Variants in SUSD1 observed in about 807,000 individuals in gnomAD.
The protein encoded by SUSD1 is sushi domain containing 1.
In SUSD1, 65 loss-of-function variants were observed where a neutral mutation model predicts 86.9. The ratio of observed to expected loss-of-function variants is 0.75; its 90% CI spans 0.61 to 0.92. The LOEUF is 0.92. SUSD1 is among the 40% of genes least tolerant of loss of function. The pLI, the probability that SUSD1 is intolerant of heterozygous loss-of-function variation, is 0.00. For synonymous variants in SUSD1, 346 were observed against 350.0 expected, an observed-to-expected ratio of 0.99 and a Z score of 0.13; for missense variants, 850 against 929.7, an observed-to-expected ratio of 0.91 and a Z score of 1.11.
chr9:112,086,710 C>T (rs1246634252), intron 10 of SUSD1, among the ~76,000 whole-genome samples: 7 of 151,894 alleles, frequency 4.6e-5, no homozygotes, highest in Non-Finnish European at 1.0e-4. Flanking sequence ...AATGGGTGTC[C>T]TTTGGAGACT....
At chr9:112,150,994 G>C (rs1013383020) in intron 2 of SUSD1, among the ~76,000 whole-genome samples, 5 of 152,178 alleles carry the variant, frequency 3.3e-5, no homozygotes, top group African/African-American at 1.2e-4. Context: ...AATTGCACTG[G>C]CACGATCATA....
At chr9:112,101,369 A>C (rs550414257) in intron 9 of SUSD1, among the ~76,000 whole-genome samples, 3 of 151,866 alleles carry the variant, frequency 2.0e-5, no homozygotes, top group Non-Finnish European at 4.4e-5. Context: ...CTCAAAAAAG[A>C]AAAAAAAATT....
At chr9:112,098,408 A>G (rs955356288) in intron 10 of SUSD1, 62 bp downstream of exon 10, 2 of 1,548,120 alleles carry the variant, frequency 1.3e-6, no homozygotes, top group African/African-American at 1.4e-5. Flanking sequence ...GCCCGCCCAC[A>G]CTGCTCAATT....
intron 12 of SUSD1, among the ~76,000 whole-genome samples, chr9:112,069,606 T>C (rs1829162401): frequency 6.6e-6 from 1 of 152,196 alleles, no homozygotes; most frequent in Non-Finnish European, 1.5e-5. Context: ...ATTAACTTTT[T>C]TTATTACGTG....
intron 6 of SUSD1, among the ~76,000 whole-genome samples, chr9:112,123,865 CAATT>C (rs1303039159): frequency 6.6e-6 from 1 of 152,026 alleles, no homozygotes; most frequent in African/African-American, 2.4e-5. Context: ...TGTGTTAACA[CAATT>C]AAGAAACATT....
intron 6 of SUSD1, among the ~76,000 whole-genome samples, chr9:112,114,119 G>T (rs568920116): frequency 9.2e-5 from 14 of 152,216 alleles, no homozygotes; most frequent in African/African-American, 3.1e-4. Context: ...AAAATCTATT[G>T]TATTTCTATA....
intron 8 of SUSD1, among the ~76,000 whole-genome samples, chr9:112,105,942 C>G (rs1589663169): frequency 6.6e-6 from 1 of 152,120 alleles, no homozygotes; most frequent in African/African-American, 2.4e-5. Context: ...GCTAAAGAAG[C>G]CTTCATGATA....
Position 112,063,069 on chromosome 9 carries a change from T to C in SUSD1, c.1754-36A>G, listed in dbSNP as rs760766195. ...GTTGAAAAGAAGAAAAGGGGTATGA[T>C]TGGAACAAGTAAACAGCAGGACAAA... On this transcript the variant is annotated intron_variant, in intron 12 of 16. Coordinates refer to ENST00000374270, the MANE Select transcript of SUSD1 (RefSeq NM_022486.5). The C allele has an allele frequency of 1.9e-5, 25 of 1,345,124 alleles. No individual in the cohort carries two copies. In the South Asian group the frequency reaches 2.0e-4, roughly 11 times the overall value. 83.3% of individuals were successfully genotyped at this position (1,345,124 alleles called of 1,614,324 possible). A position where few individuals can be genotyped will look rare whatever the true frequency, so the allele number is the denominator to read the frequency against.
Position 112,052,407 on chromosome 9 carries a change from T to A in SUSD1, c.2141A>T (p.Gln714Leu). The A allele has an allele frequency of 1.2e-6, 2 of 1,614,064 alleles. No homozygotes were observed. Among genetic ancestry groups the A allele is most frequent in the East Asian group, 2.2e-5 (1 of 44,872 alleles). The change falls in exon 15 of 17, where the codon CAG becomes CTG. Residue 714 changes from glutamine to leucine, a missense_variant. Transcript: ENST00000374270. ...GCAGAAAATAATTTTACCTTTCACCTGAGCCCAAACTGCACAGGAGTGTCT... is the reference window on the plus strand; with the variant it reads ...GCAGAAAATAATTTTACCTTTCACCAGAGCCCAAACTGCACAGGAGTGTCT... ...VRRHSCAVWAQVKDSSLMLLQ... is the reference protein window; with the variant it reads ...VRRHSCAVWALVKDSSLMLLQ...
At chr9:112,170,345 C>T (rs932679404) in intron 1 of SUSD1, among the ~76,000 whole-genome samples, 3 of 152,162 alleles carry the variant, frequency 2.0e-5, no homozygotes, top group African/African-American at 7.2e-5. Context: ...GTCAGGTGAC[C>T]TTTGTATACA....
intron 2 of SUSD1, among the ~76,000 whole-genome samples, chr9:112,157,198 T>A (rs1833365594): frequency 6.6e-6 from 1 of 152,226 alleles, no homozygotes; most frequent in Non-Finnish European, 1.5e-5. Context: ...AATGCAATAT[T>A]CACTTGAGTT....
Position 112,175,116 on chromosome 9 carries a change from T to C in SUSD1, c.103+17A>G. 9.8e-7 allele frequency: 1 copy of C among 1,024,934 alleles called. No individual in the cohort carries two copies. The highest frequency in any genetic ancestry group is 4.5e-5 in the South Asian group (1 of 22,468). 63.5% of individuals were successfully genotyped at this position (1,024,934 alleles called of 1,614,324 possible). A position where few individuals can be genotyped will look rare whatever the true frequency, so the allele number is the denominator to read the frequency against. On this transcript the variant is annotated intron_variant, in intron 1 of 16. Transcript: ENST00000374270. The surrounding 1 kb of genome is among the most constrained non-coding windows in gnomAD (Gnocchi z 4.7). ...GGGCCCCGCCGGCCGCCCGTGCCCG[T>C]CCCAGCCCGCACTCACCGTCGGGGC...
chr9:112,092,894 C>T (rs1830258148), intron 10 of SUSD1, among the ~76,000 whole-genome samples: 1 of 152,100 alleles, frequency 6.6e-6, no homozygotes, highest in African/African-American at 2.4e-5. Context: ...AGAAGTCATG[C>T]TCTCAGTATA....
intron 2 of SUSD1, 133 bp from the exon 3 acceptor site, chr9:112,149,532 C>T (rs1832956423): frequency 1.2e-5 from 12 of 1,031,588 alleles, no homozygotes; most frequent in African/African-American, 1.6e-5. Flanking sequence ...ATTTCTCCAG[C>T]CTCTTCTCCT....
chr9:112,069,770 A>C (rs2762495), intron 12 of SUSD1, among the ~76,000 whole-genome samples: 19,588 of 146,578 alleles, frequency 0.13, 1,388 homozygotes, highest in East Asian at 0.26. Context: ...TTAAAACCAC[A>C]CAGGAGAAGC....
At chr9:112,062,746 C>G (rs1589596172) in intron 13 of SUSD1, among the ~76,000 whole-genome samples, 191 bp downstream of exon 13, 1 of 152,116 alleles carries the variant, frequency 6.6e-6, no homozygotes, top group Middle Eastern at 3.4e-3. Flanking sequence ...GTCTCTCTCA[C>G]CATTAGAAAG....
chr9:112,041,790 C>T, intron 16 of SUSD1, 77 bp downstream of exon 16: 1 of 1,421,550 alleles, frequency 7.0e-7, no homozygotes, highest in Non-Finnish European at 9.7e-7. Flanking sequence ...CTCCCCTCAT[C>T]CCCAGCTGTT....
chr9:112,100,356 T>G (rs576927779), intron 9 of SUSD1, among the ~76,000 whole-genome samples: 1 of 151,596 alleles, frequency 6.6e-6, no homozygotes, highest in African/African-American at 2.4e-5. Flanking sequence ...CTGGCTAATT[T>G]TTTGTATTTT....
chr9:112,062,806 G>T, intron 13 of SUSD1, 131 bp downstream of exon 13: 2 of 550,648 alleles, frequency 3.6e-6, no homozygotes, highest in Admixed American at 5.8e-5. Context: ...AACAAAAGAG[G>T]CCCCAACTGC....
Sources: gnomAD v4.1 joint callset for allele counts (sites outside exome capture counted in the v4.1 genomes callset) on GRCh38, gnomAD v4.1.1 for gene constraint, Gnocchi (gnomAD v3.1) non-coding constraint, MANE v1.5 for transcripts, NCBI Gene and HGNC (gene_info 2026-07-23, HGNC 2026-07-21) for gene names.